The following IQGAP2 variants were observed in gnomAD, a reference collection of about 807,000 sequenced individuals.
The protein encoded by IQGAP2 is IQ motif containing GTPase activating protein 2.
In IQGAP2, 173 loss-of-function variants were observed where a neutral mutation model predicts 201.3. That is an observed-to-expected ratio of 0.86 (90% CI 0.76 to 0.98). The LOEUF is 0.98. Among genes scored for constraint, IQGAP2 ranks in the 50% least tolerant of loss-of-function variants. The pLI is 0.00. For synonymous variants in IQGAP2, 675 were observed against 673.9 expected, an observed-to-expected ratio of 1.00 and a Z score of -0.03; for missense variants, 1,687 against 1,864.8, an observed-to-expected ratio of 0.90 and a Z score of 1.76.
rs112394088 is a variant in IQGAP2 at position 76,587,902 on chromosome 5, C to T, written c.459-1004C>T. 8.5e-3 allele frequency among the ~76,000 whole-genome samples: 1,271 copies of T among 150,200 alleles called. 17 individuals carry two copies. Among genetic ancestry groups the T allele is most frequent in the African/African-American group, 0.029 (1,163 of 40,736 alleles). On this transcript the variant is annotated intron_variant, in intron 5 of 35. Transcript: ENST00000274364. ...TGGAGGTTGCAGTGGGTCGAGATCA[C>T]GCCATTGCACTCCAGCCTGGGCGAC... is the stretch of plus-strand genomic sequence containing the variant.
chr5:76,486,453 T>C (rs1189452363), intron 2 of IQGAP2, among the ~76,000 whole-genome samples: 2 of 152,236 alleles, frequency 1.3e-5, no homozygotes, highest in East Asian at 1.9e-4. Context: ...AATATACTGC[T>C]TTATGTTGAA....
At chr5:76,703,667 A>AAG (rs1554088991) in intron 35 of IQGAP2, among the ~76,000 whole-genome samples, 6 of 151,540 alleles carry the variant, frequency 4.0e-5, no homozygotes, top group African/African-American at 1.2e-4. Context: ...AAAAAAAAAA[A>AAG]AGAGAGCACT....
At chr5:76,410,915 T>TA (rs1246224528) in intron 1 of IQGAP2, among the ~76,000 whole-genome samples, 1 of 152,242 alleles carries the variant, frequency 6.6e-6, no homozygotes, top group Non-Finnish European at 1.5e-5. Context: ...TTTAATTTTA[T>TA]AATCGTGTAT....
chr5:76,408,096 G>A (rs1307585364), intron 1 of IQGAP2, among the ~76,000 whole-genome samples: 3 of 152,164 alleles, frequency 2.0e-5, no homozygotes, highest in Non-Finnish European at 2.9e-5. Flanking sequence ...GGGAGGCAGA[G>A]GTTGCAATAA....
chr5:76,478,638 A>G (rs1459733974), intron 2 of IQGAP2, among the ~76,000 whole-genome samples: 1 of 152,144 alleles, frequency 6.6e-6, no homozygotes, highest in Non-Finnish European at 1.5e-5. Flanking sequence ...ATGTTTAGAT[A>G]CACAAATACC....
chr5:76,701,284 A>G, intron 34 of IQGAP2, 71 bp downstream of exon 34: 2 of 1,490,216 alleles, frequency 1.3e-6, no homozygotes, highest in Non-Finnish European at 1.9e-6. Flanking sequence ...AGAGAGCTCC[A>G]TTTGGTCTAG....
chr5:76,420,303 C>T (rs1751656695), intron 1 of IQGAP2, among the ~76,000 whole-genome samples: 1 of 151,242 alleles, frequency 6.6e-6, no homozygotes, highest in Non-Finnish European at 1.5e-5. Flanking sequence ...TACCATTTTT[C>T]AGTGGACAGT....
chr5:76,423,600 G>A (rs553420889), intron 1 of IQGAP2, among the ~76,000 whole-genome samples: 10 of 152,296 alleles, frequency 6.6e-5, no homozygotes, highest in East Asian at 3.9e-4. Context: ...TAGCCTGGGC[G>A]ATAGAGCAAG....
At chr5:76,618,921 A>G (rs1479083340) in intron 13 of IQGAP2, among the ~76,000 whole-genome samples, 4 of 152,366 alleles carry the variant, frequency 2.6e-5, no homozygotes, top group Admixed American at 6.5e-5. Context: ...TCAGAACATT[A>G]TAGGCATGTT....
intron 24 of IQGAP2, among the ~76,000 whole-genome samples, chr5:76,672,640 TG>T (rs1186269613): frequency 6.6e-6 from 1 of 152,196 alleles, no homozygotes; most frequent in Non-Finnish European, 1.5e-5. Flanking sequence ...ATATTCCAGT[TG>T]GAGTTAGGTG....
At chr5:76,501,581 G>T (rs1336763042) in intron 2 of IQGAP2, among the ~76,000 whole-genome samples, 4 of 149,480 alleles carry the variant, frequency 2.7e-5, no homozygotes, top group Non-Finnish European at 5.9e-5. Context: ...ATACCACTAT[G>T]AAGTGAAGTC....
rs1349495048 is a variant in IQGAP2, at chr5:76,594,821, C to G, written c.907+1896C>G. On this transcript the variant is annotated intron_variant, in intron 9 of 35. Transcript: ENST00000274364. ...CTCTACTAAAAATACAAAAAGTCAG[C>G]CAGGCGTGGTGGCGGGCATCTGTAA... Among the ~76,000 whole-genome samples the G allele has an allele frequency of 2.6e-5, 4 of 151,984 alleles. No individual in the cohort carries two copies. The East Asian group carries it at 7.7e-4, about 29-fold the overall frequency.
chr5:76,459,883 C>T (rs1163751679), intron 1 of IQGAP2, among the ~76,000 whole-genome samples: 1 of 152,120 alleles, frequency 6.6e-6, no homozygotes, highest in Non-Finnish European at 1.5e-5. Context: ...CAGTAATCTG[C>T]CTGCCTCGAC....
At chr5:76,427,127 T>C (rs986357381) in intron 1 of IQGAP2, among the ~76,000 whole-genome samples, 1 of 152,142 alleles carries the variant, frequency 6.6e-6, no homozygotes, top group Non-Finnish European at 1.5e-5. Context: ...TTGTGCATTG[T>C]AGGATGTTTA....
chr5:76,510,588 A>G (rs752734396), intron 2 of IQGAP2: 11 of 488,164 alleles, frequency 2.3e-5, no homozygotes, highest in Non-Finnish European at 4.6e-5. Flanking sequence ...AAGGACCCAG[A>G]CAGTGTGCCA....
chr5:76,552,044 G>A (rs4703713), intron 2 of IQGAP2, among the ~76,000 whole-genome samples: 9,729 of 152,178 alleles, frequency 0.064, 726 homozygotes, highest in East Asian at 0.43. Flanking sequence ...AGCCTTCCTC[G>A]CCCCTGGGCC....
intron 1 of IQGAP2, among the ~76,000 whole-genome samples, chr5:76,428,057 G>A (rs1314212527): frequency 6.6e-6 from 1 of 152,206 alleles, no homozygotes; most frequent in African/African-American, 2.4e-5. Flanking sequence ...GGGCACTGAA[G>A]GGGCAAACTG....
At chr5:76,689,577 AT>A (rs1746093632) in intron 30 of IQGAP2, among the ~76,000 whole-genome samples, 1 of 152,248 alleles carries the variant, frequency 6.6e-6, no homozygotes, top group Admixed American at 6.5e-5. Flanking sequence ...AGAAGGCAAT[AT>A]TTGTGGTTTT....
At chr5:76,660,844 T>C (rs2150452790) in intron 21 of IQGAP2, among the ~76,000 whole-genome samples, 1 of 152,256 alleles carries the variant, frequency 6.6e-6, no homozygotes, top group East Asian at 1.9e-4. Flanking sequence ...AGTGAAAAAG[T>C]GGGAAACGAC....
Sources: allele counts gnomAD v4.1 joint callset (sites outside exome capture counted in the v4.1 genomes callset), GRCh38; gene constraint gnomAD v4.1.1; transcripts MANE v1.5; gene names NCBI Gene and HGNC (gene_info 2026-07-23, HGNC 2026-07-21).